DAB1: variants seen among roughly 807,000 people sequenced by gnomAD.
DAB1 encodes the protein disabled homolog 1.
Under a neutral mutation model 64.6 loss-of-function variants are expected in DAB1, and 15 were observed. That is an observed-to-expected ratio of 0.23 (90% CI 0.16 to 0.36). DAB1 has a LOEUF of 0.36. Ranked by LOEUF, DAB1 falls within the 10% of genes least tolerant of loss-of-function variation. The pLI is 1.00. For missense variants in DAB1, 596 were observed against 706.7 expected (o/e 0.84, Z 1.78); for synonymous variants, 235 against 251.9 (o/e 0.93, Z 0.64).
intron 5 of DAB1, among the ~76,000 whole-genome samples, chr1:58,045,836 T>G (rs1647231452): frequency 6.6e-6 from 1 of 152,120 alleles, no homozygotes; most frequent in Admixed American, 6.6e-5. Flanking sequence ...CTCCTATCCT[T>G]TCACACAGCA....
At chr1:57,095,355 C>T (rs559245113) in intron 4 of DAB1, among the ~76,000 whole-genome samples, 1 of 152,126 alleles carries the variant, frequency 6.6e-6, no homozygotes. Context: ...GACAGAGGCC[C>T]AATGAGACTG....
At chr1:58,246,003 T>C (rs1660510988) in intron 4 of DAB1, among the ~76,000 whole-genome samples, 1 of 152,162 alleles carries the variant, frequency 6.6e-6, no homozygotes, top group African/African-American at 2.4e-5. Flanking sequence ...GCAATGCCAA[T>C]GTTTAGTAAT....
intron 2 of DAB1, among the ~76,000 whole-genome samples, chr1:57,254,328 G>A (rs1162318181): frequency 6.6e-6 from 1 of 152,218 alleles, no homozygotes; most frequent in Non-Finnish European, 1.5e-5. Flanking sequence ...GGTTACTGAA[G>A]GCTGCTTTGG....
At chr1:57,791,811 C>T (rs1650614086) in intron 6 of DAB1, among the ~76,000 whole-genome samples, 1 of 152,164 alleles carries the variant, frequency 6.6e-6, no homozygotes, top group Non-Finnish European at 1.5e-5. Context: ...TTGGAATGTG[C>T]CTTTTCAGAC....
intron 4 of DAB1, among the ~76,000 whole-genome samples, chr1:58,259,617 T>G (rs564107436): frequency 6.6e-6 from 1 of 152,274 alleles, no homozygotes; most frequent in Non-Finnish European, 1.5e-5. Context: ...TACAGATACA[T>G]CCAAAAGATG....
chr1:57,178,035 C>T (rs943210576), intron 2 of DAB1, among the ~76,000 whole-genome samples: 3 of 152,010 alleles, frequency 2.0e-5, no homozygotes, highest in African/African-American at 7.2e-5. Context: ...TGACTATTTG[C>T]CTTACAACAG....
intron 5 of DAB1, among the ~76,000 whole-genome samples, chr1:57,905,625 G>A (rs1644538948): frequency 1.3e-5 from 2 of 152,152 alleles, no homozygotes; most frequent in South Asian, 2.1e-4. Context: ...CAGGGAAGAA[G>A]TCTGGGCTAG....
chr1:58,432,828 C>A (rs1486289140), intron 3 of DAB1, among the ~76,000 whole-genome samples: 1 of 152,220 alleles, frequency 6.6e-6, no homozygotes, highest in Non-Finnish European at 1.5e-5. Context: ...GACAGAGGAG[C>A]CTACATGAAC....
chr1:58,350,288 C>G (rs975411995), intron 3 of DAB1, among the ~76,000 whole-genome samples: 5 of 151,542 alleles, frequency 3.3e-5, no homozygotes, highest in Admixed American at 2.6e-4. Flanking sequence ...CCTCTGCACA[C>G]TTTTTGATGG....
intron 7 of DAB1, among the ~76,000 whole-genome samples, chr1:57,604,450 A>C (rs1028707731): frequency 1.3e-5 from 2 of 152,062 alleles, no homozygotes; most frequent in Non-Finnish European, 2.9e-5. Context: ...CACATGAAAG[A>C]ACAGGGGAAA....
intron 1 of DAB1, chr1:58,536,749 A>T: frequency 1.2e-6 from 1 of 866,042 alleles, no homozygotes; most frequent in Non-Finnish European, 2.0e-6. Context: ...CCCCTAAAGC[A>T]AAAAGAAAAA....
At chr1:57,023,766 T>C in intron 10 of DAB1, 127 bp from the exon 11 acceptor site, 1 of 665,752 alleles carries the variant, frequency 1.5e-6, no homozygotes, top group Admixed American at 2.2e-5. Flanking sequence ...TTATGGGGTG[T>C]GCAGCCCATG....
intron 1 of DAB1, among the ~76,000 whole-genome samples, chr1:57,832,612 T>A (rs909143444): frequency 6.6e-6 from 1 of 152,186 alleles, no homozygotes. Flanking sequence ...TTTTCCATGG[T>A]AAAAATCAGG....
intron 2 of DAB1, among the ~76,000 whole-genome samples, chr1:57,174,000 G>A (rs867784558): frequency 7.2e-5 from 11 of 152,224 alleles, no homozygotes; most frequent in South Asian, 4.2e-4. Flanking sequence ...TTGGAATTAT[G>A]CTTGGTTACT....
intron 5 of DAB1, among the ~76,000 whole-genome samples, chr1:58,060,759 C>G (rs1336098879): frequency 6.6e-6 from 1 of 152,264 alleles, no homozygotes; most frequent in Non-Finnish European, 1.5e-5. Flanking sequence ...TCTGGGCCAG[C>G]AGCCATGGGC....
At chr1:57,923,573 T>G (rs1232681395) in intron 5 of DAB1, among the ~76,000 whole-genome samples, 1 of 152,190 alleles carries the variant, frequency 6.6e-6, no homozygotes, top group African/African-American at 2.4e-5. Flanking sequence ...CAAAATCCCT[T>G]TAGGGCAGAG....
At chr1:57,972,967 A>G (rs187669596) in intron 5 of DAB1, among the ~76,000 whole-genome samples, 33 of 152,322 alleles carry the variant, frequency 2.2e-4, no homozygotes, top group Middle Eastern at 3.4e-3. Flanking sequence ...TATACACTCC[A>G]ATATGCACAA....
chr1:58,275,673 AAAAG>A (rs1176813496), intron 4 of DAB1, among the ~76,000 whole-genome samples: 1 of 152,208 alleles, frequency 6.6e-6, no homozygotes, highest in Non-Finnish European at 1.5e-5. Flanking sequence ...AACAAATTTA[AAAAG>A]AAAGAAAATA....
intron 7 of DAB1, among the ~76,000 whole-genome samples, chr1:57,481,816 C>CAAA (rs11367788): frequency 7.8e-6 from 1 of 128,166 alleles, no homozygotes; most frequent in East Asian, 2.3e-4. Flanking sequence ...GACTCTGTCT[C>CAAA]AAAAAAAAAA....
Sources: allele counts gnomAD v4.1 joint callset (sites outside exome capture counted in the v4.1 genomes callset), GRCh38; gene constraint gnomAD v4.1.1; transcripts MANE v1.5; gene names NCBI Gene and HGNC (gene_info 2026-07-23, HGNC 2026-07-21).